Variants in PCYT1A observed in about 807,000 individuals in gnomAD.
PCYT1A encodes choline-phosphate cytidylyltransferase A.
PCYT1A carries 25 observed loss-of-function variants against 43.7 expected under a neutral mutation model. The ratio of observed to expected loss-of-function variants is 0.57; its 90% CI spans 0.42 to 0.80. The LOEUF is 0.80. Among genes scored for constraint, PCYT1A ranks in the 30% least tolerant of loss-of-function variants. The pLI, the probability that PCYT1A is intolerant of heterozygous loss-of-function variation, is 0.00. For missense variants in PCYT1A, 421 were observed against 474.2 expected, an observed-to-expected ratio of 0.89 and a Z score of 1.04; for synonymous variants, 172 against 170.7, an observed-to-expected ratio of 1.01 and a Z score of -0.06.
chr3:196,277,085 C>T lies in PCYT1A; in HGVS notation c.-10-6544G>A, dbSNP rs1050101959. ...TTTCTACTAAAAATATAAAAATTAG[C>T]CAGGTGTGGTGGCGGGCACCTGTAA... On this transcript the variant is annotated intron_variant, in intron 1 of 8. Coordinates refer to ENST00000431016, the MANE Select transcript of PCYT1A (RefSeq NM_001312673.2). The surrounding 1 kb of genome is among the most constrained non-coding windows in gnomAD (Gnocchi z 4.1). Among the ~76,000 whole-genome samples the T allele has an allele frequency of 1.3e-5, 2 of 151,982 alleles. No individual in the cohort carries two copies. Among genetic ancestry groups the T allele is most frequent in the African/African-American group, 4.8e-5 (2 of 41,350 alleles).
chr3:196,253,048 G>T (rs1186803328), intron 3 of PCYT1A, among the ~76,000 whole-genome samples: 2 of 151,980 alleles, frequency 1.3e-5, no homozygotes, highest in Non-Finnish European at 2.9e-5. Context: ...ACATTAAAAA[G>T]ATTTTTGGGC....
chr3:196,271,190 A>AT (rs59957093), intron 1 of PCYT1A, among the ~76,000 whole-genome samples: 53,294 of 148,044 alleles, frequency 0.36, 10,106 homozygotes, highest in East Asian at 0.81. Flanking sequence ...ACACCTAGTT[A>AT]TTTTTTTTTT....
chr3:196,285,455 T>C (rs959860951), intron 1 of PCYT1A, among the ~76,000 whole-genome samples: 1 of 142,772 alleles, frequency 7.0e-6, no homozygotes, highest in Non-Finnish European at 1.6e-5. Flanking sequence ...TGAGACTCTG[T>C]CTCAAAAATA....
intron 1 of PCYT1A, among the ~76,000 whole-genome samples, chr3:196,283,131 A>G (rs1725814896): frequency 6.6e-6 from 1 of 152,220 alleles, no homozygotes; most frequent in South Asian, 2.1e-4. Flanking sequence ...TGAGGTCTGG[A>G]GTTTAAGACC....
chr3:196,274,871 T>C (rs1410632532), intron 1 of PCYT1A, among the ~76,000 whole-genome samples: 1 of 152,196 alleles, frequency 6.6e-6, no homozygotes, highest in Non-Finnish European at 1.5e-5. Context: ...GAAACTTCCT[T>C]TCATCACAAA....
intron 5 of PCYT1A, among the ~76,000 whole-genome samples, chr3:196,246,712 T>C (rs1724580329): frequency 6.6e-6 from 1 of 152,236 alleles, no homozygotes; most frequent in South Asian, 2.1e-4. Flanking sequence ...TCTTATTTCC[T>C]GGTAATGTGA....
intron 2 of PCYT1A, among the ~76,000 whole-genome samples, chr3:196,262,802 G>A (rs200952593): frequency 3.1e-5 from 2 of 65,132 alleles, no homozygotes; most frequent in African/African-American, 1.1e-4. Flanking sequence ...TTTTTTTTTT[G>A]GCTTTTTTTT....
At chr3:196,274,388 C>T (rs969193868) in intron 1 of PCYT1A, among the ~76,000 whole-genome samples, 14 of 152,256 alleles carry the variant, frequency 9.2e-5, no homozygotes, top group African/African-American at 3.1e-4. Flanking sequence ...TGGCAGCAGC[C>T]CATCCAGACA....
intron 5 of PCYT1A, among the ~76,000 whole-genome samples, chr3:196,246,661 C>T (rs983472075): frequency 1.3e-5 from 2 of 152,196 alleles, no homozygotes; most frequent in Non-Finnish European, 2.9e-5. Flanking sequence ...GATCAAAGCC[C>T]TGAAATGAAA....
chr3:196,259,883 T>C (rs1393686193), intron 2 of PCYT1A, among the ~76,000 whole-genome samples: 3 of 143,890 alleles, frequency 2.1e-5, no homozygotes, highest in Non-Finnish European at 3.0e-5. Context: ...TAGTTTAAGA[T>C]ATACTTAATG....
intron 1 of PCYT1A, among the ~76,000 whole-genome samples, chr3:196,280,483 T>C (rs1001134078): frequency 6.6e-6 from 1 of 152,032 alleles, no homozygotes; most frequent in Non-Finnish European, 1.5e-5. Flanking sequence ...CAACACCTAA[T>C]ACAATGTAAA....
intron 5 of PCYT1A, among the ~76,000 whole-genome samples, chr3:196,245,627 T>C (rs745312837): frequency 1.3e-5 from 2 of 152,062 alleles, no homozygotes; most frequent in Admixed American, 1.3e-4. Flanking sequence ...AGCATGTTCA[T>C]TGGGACTATG....
chr3:196,262,024 T>C (rs895811347), intron 2 of PCYT1A, among the ~76,000 whole-genome samples: 51 of 152,178 alleles, frequency 3.4e-4, no homozygotes, highest in African/African-American at 1.2e-3. Flanking sequence ...GAAAAGGTAG[T>C]ATTTTTTTAA....
chr3:196,268,609 A>G lies in PCYT1A; in HGVS notation c.117+1806T>C, dbSNP rs900345257. On this transcript the variant is annotated intron_variant, in intron 2 of 8. Coordinates refer to ENST00000431016, the MANE Select transcript of PCYT1A (RefSeq NM_001312673.2). The surrounding 1 kb of genome is among the most constrained non-coding windows in gnomAD (Gnocchi z 4.4). ...AGACCAGCCTGGGCAACATAGCAAG[A>G]CCCTTACTCTAAAAATAAAAATAAA... Among the ~76,000 whole-genome samples, 1 of 151,964 alleles carries G rather than the reference A, an allele frequency of 6.6e-6. No homozygotes were observed. The highest frequency in any genetic ancestry group is 2.4e-5 in the African/African-American group (1 of 41,372).
Position 196,270,432 on chromosome 3 carries a change from C to T in PCYT1A, c.100G>A (p.Val34Met), listed in dbSNP as rs1036001219. ...CCACTTACCACTGCACAGCGCTGCACTTTGGAAGGAACCCCATCTTCTTCT... is the reference window on the plus strand; with the variant it reads ...CCACTTACCACTGCACAGCGCTGCATTTTGGAAGGAACCCCATCTTCTTCT... Reference protein sequence around the residue: ...ATEEDGVPSKVQRCAVGLRQP... With the variant: ...ATEEDGVPSKMQRCAVGLRQP... Residue 34 changes from valine to methionine, a missense_variant, in exon 2 of 9, where the codon GTG becomes ATG. Around this residue, in one of 3 missense-constraint regions of PCYT1A, gnomAD observed 139 missense variants for 117.7 expected, o/e 1.18. Coordinates refer to ENST00000431016, the MANE Select transcript of PCYT1A (RefSeq NM_001312673.2). 2 of 1,613,202 alleles carry T rather than the reference C, an allele frequency of 1.2e-6. No homozygotes were observed. The highest frequency in any genetic ancestry group is 2.7e-5 in the African/African-American group (2 of 74,914).
At chr3:196,240,736 G>A (rs994871515) in intron 7 of PCYT1A, 6 of 152,136 alleles carry the variant, frequency 3.9e-5, no homozygotes, top group Middle Eastern at 3.4e-3. Flanking sequence ...AGATCATAAA[G>A]AGAAAAGGGA....
At chr3:196,239,043 T>C (rs754194521) in intron 8 of PCYT1A, 149 bp from the exon 9 acceptor site, 3 of 441,874 alleles carry the variant, frequency 6.8e-6, no homozygotes, top group Non-Finnish European at 1.2e-5. Flanking sequence ...CCATTCTTCC[T>C]CAATAATCTA....
At chr3:196,278,488 C>A (rs771990242) in intron 1 of PCYT1A, among the ~76,000 whole-genome samples, 1 of 152,184 alleles carries the variant, frequency 6.6e-6, no homozygotes, top group Non-Finnish European at 1.5e-5. Flanking sequence ...ATGATCGCGC[C>A]TCCTCAGAGC....
intron 2 of PCYT1A, among the ~76,000 whole-genome samples, chr3:196,266,616 G>A (rs112360736): frequency 1.3e-5 from 2 of 152,114 alleles, no homozygotes; most frequent in African/African-American, 4.8e-5. Flanking sequence ...CTGGCCGGAC[G>A]TGGTGGCCCA....
Sources: allele counts gnomAD v4.1 joint callset (sites outside exome capture counted in the v4.1 genomes callset), GRCh38; gene constraint gnomAD v4.1.1; regional missense constraint gnomAD v4.1.1; non-coding constraint Gnocchi (gnomAD v3.1); transcripts MANE v1.5; gene names NCBI Gene and HGNC (gene_info 2026-07-23, HGNC 2026-07-21).